Variants in FARS2 observed in about 807,000 individuals in gnomAD.
The protein encoded by FARS2 is phenylalanine--tRNA ligase, mitochondrial.
In FARS2, 40 loss-of-function variants were observed where a neutral mutation model predicts 46.4. The observed-to-expected ratio is 0.86, with a 90% CI of 0.67 to 1.12. The LOEUF (loss-of-function observed/expected upper bound fraction) is 1.12, where lower values mean the gene tolerates loss of function less well. Ranked by LOEUF, FARS2 falls within the 50% of genes most tolerant of loss-of-function variation. The pLI is 0.00. For missense variants in FARS2, 513 were observed against 567.9 expected, an observed-to-expected ratio of 0.90 and a Z score of 0.98; for synonymous variants, 234 against 214.9, an observed-to-expected ratio of 1.09 and a Z score of -0.78.
chr6:5,750,935 G>A (rs1345263076), intron 6 of FARS2, among the ~76,000 whole-genome samples: 1 of 152,052 alleles, frequency 6.6e-6, no homozygotes, highest in Non-Finnish European at 1.5e-5. Flanking sequence ...TGTTTTGCTA[G>A]ACACCCAATT....
intron 5 of FARS2, among the ~76,000 whole-genome samples, chr6:5,555,385 C>T (rs571409253): frequency 6.6e-6 from 1 of 152,154 alleles, no homozygotes; most frequent in Non-Finnish European, 1.5e-5. Context: ...TTCACTGATA[C>T]TGACCGATGA....
chr6:5,367,292 G>A (rs1231312124), intron 1 of FARS2, among the ~76,000 whole-genome samples: 5 of 152,186 alleles, frequency 3.3e-5, no homozygotes, highest in Non-Finnish European at 5.9e-5. Flanking sequence ...AAGTAAAACA[G>A]CCACATAGTT....
intron 6 of FARS2, among the ~76,000 whole-genome samples, chr6:5,736,665 G>A (rs1008468842): frequency 6.6e-6 from 1 of 151,876 alleles, no homozygotes; most frequent in African/African-American, 2.4e-5. Flanking sequence ...TTAACCTTAA[G>A]GGATTTTTTT....
chr6:5,649,556 C>T (rs1470696695), intron 6 of FARS2, among the ~76,000 whole-genome samples: 2 of 152,172 alleles, frequency 1.3e-5, no homozygotes, highest in African/African-American at 4.8e-5. Context: ...GTGGTGTTCG[C>T]CCTACCTGGC....
chr6:5,739,286 A>T (rs1261775222), intron 6 of FARS2, among the ~76,000 whole-genome samples: 1 of 151,484 alleles, frequency 6.6e-6, no homozygotes, highest in Non-Finnish European at 1.5e-5. Context: ...GCTTGAGATC[A>T]GGAGTTCAAG....
At chr6:5,341,810 C>T (rs1771677633) in intron 1 of FARS2, among the ~76,000 whole-genome samples, 1 of 152,074 alleles carries the variant, frequency 6.6e-6, no homozygotes, top group Admixed American at 6.6e-5. Flanking sequence ...GGAGCCACTG[C>T]ATCTGGCTAA....
In FARS2 at chr6:5,763,873, A is replaced by G. The variant is rs115172310; in HGVS notation, c.1218-7418A>G. 4.1e-3 allele frequency among the ~76,000 whole-genome samples: 615 copies of G among 149,666 alleles called. 1 individual carries two copies. The highest frequency in any genetic ancestry group is 0.015 in the African/African-American group (591 of 40,536). On this transcript the variant is annotated intron_variant, in intron 6 of 6. Transcript: ENST00000274680. Reference sequence around the variant, plus strand: ...CTGCCCAATCTGACTTCCACTCCTCACTTCACTGTTGCAGCCAAAGCTAAC... The same window carrying G: ...CTGCCCAATCTGACTTCCACTCCTCGCTTCACTGTTGCAGCCAAAGCTAAC...
intron 5 of FARS2, among the ~76,000 whole-genome samples, chr6:5,554,435 G>A (rs1440254383): frequency 6.6e-6 from 1 of 152,146 alleles, no homozygotes; most frequent in Non-Finnish European, 1.5e-5. Flanking sequence ...TAGAGTCCCA[G>A]GGAAAACTCT....
chr6:5,439,227 CGT>C (rs940230867), intron 4 of FARS2, among the ~76,000 whole-genome samples: 1 of 152,164 alleles, frequency 6.6e-6, no homozygotes, highest in Non-Finnish European at 1.5e-5. Flanking sequence ...CTGTGCTGTG[CGT>C]GTGTCACTCC....
Position 5,368,843 on chromosome 6 carries a change from G to A in FARS2, c.273G>A (p.Glu91=). Residue 91 remains glutamate (E), a synonymous_variant, in exon 2 of 7, where the codon GAG becomes GAA. Transcript: ENST00000274680. ...ATCACCCTCTGTGGCTGATCAAGGAGAGGGTGAAGGAGCACTTCTACAAGC... is the reference window on the plus strand; with the variant it reads ...ATCACCCTCTGTGGCTGATCAAGGAAAGGGTGAAGGAGCACTTCTACAAGC... ...QQHHPLWLIK[E]RVKEHFYKQY... 1 of 1,614,190 alleles carries A rather than the reference G, an allele frequency of 6.2e-7. No homozygotes were observed. The highest frequency in any genetic ancestry group is 1.6e-4 in the Middle Eastern group (1 of 6,062).
At chr6:5,619,450 C>T (rs1561756898) in intron 6 of FARS2, among the ~76,000 whole-genome samples, 1 of 152,086 alleles carries the variant, frequency 6.6e-6, no homozygotes, top group Non-Finnish European at 1.5e-5. Context: ...TGCTCACAGT[C>T]GCAGATGGGG....
At chr6:5,653,308 G>C (rs1354217515) in intron 6 of FARS2, among the ~76,000 whole-genome samples, 1 of 152,138 alleles carries the variant, frequency 6.6e-6, no homozygotes, top group Non-Finnish European at 1.5e-5. Flanking sequence ...TAACAAAAAA[G>C]TACACTGATC....
At chr6:5,554,510 G>C (rs1450628168) in intron 5 of FARS2, among the ~76,000 whole-genome samples, 1 of 152,160 alleles carries the variant, frequency 6.6e-6, no homozygotes. Flanking sequence ...TGCATGATAT[G>C]AGGCCTGGGA....
intron 6 of FARS2, among the ~76,000 whole-genome samples, chr6:5,753,882 G>A (rs1000130054): frequency 6.6e-6 from 1 of 152,206 alleles, no homozygotes; most frequent in Non-Finnish European, 1.5e-5. Flanking sequence ...GTCACATGCA[G>A]CTAGAGGGGC....
chr6:5,541,164 C>T (rs1315424398), intron 4 of FARS2, among the ~76,000 whole-genome samples: 1 of 152,134 alleles, frequency 6.6e-6, no homozygotes, highest in Non-Finnish European at 1.5e-5. Flanking sequence ...TAAATCATTA[C>T]ACCTCAAAGT....
chr6:5,256,490 G>GAAAAAAAAAAAAAAA (rs777995486), upstream of FARS2, among the ~76,000 whole-genome samples: 42 of 37,522 alleles, frequency 1.1e-3, 15 homozygotes, highest in Middle Eastern at 0.019. Context: ...GATTTCAACT[G>GAAAAAAAAAAAAAAA]GAAAAAAAAA....
chr6:5,617,384 G>A (rs374136362), intron 6 of FARS2, among the ~76,000 whole-genome samples: 4 of 152,234 alleles, frequency 2.6e-5, no homozygotes, highest in Non-Finnish European at 5.9e-5. Flanking sequence ...GCTGCCAAGG[G>A]CATGTGTCCC....
At chr6:5,472,171 T>TG (rs551273644) in intron 4 of FARS2, among the ~76,000 whole-genome samples, 1 of 152,188 alleles carries the variant, frequency 6.6e-6, no homozygotes, top group South Asian at 2.1e-4. Flanking sequence ...GGATTGGGGC[T>TG]GGGGGCTGGT....
In FARS2 at chr6:5,431,186, C is replaced by G; in HGVS notation, c.904+14C>G. On this transcript the variant is annotated intron_variant, in intron 4 of 6. Transcript: ENST00000274680. ...TGGTCAATTCAGGTAAAAAAGAATCCCACATTTTATTTACACGTGCTCTAA... is the reference window on the plus strand; with the variant it reads ...TGGTCAATTCAGGTAAAAAAGAATCGCACATTTTATTTACACGTGCTCTAA... The G allele has an allele frequency of 6.2e-7, 1 of 1,612,804 alleles. No homozygotes were observed. The highest frequency in any genetic ancestry group is 8.5e-7 in the Non-Finnish European group (1 of 1,179,194).
Sources: allele counts gnomAD v4.1 joint callset (sites outside exome capture counted in the v4.1 genomes callset), GRCh38; gene constraint gnomAD v4.1.1; transcripts MANE v1.5; gene names NCBI Gene and HGNC (gene_info 2026-07-23, HGNC 2026-07-21).